The following SEMA5A variants were observed in gnomAD, a reference collection of about 807,000 sequenced individuals.
The protein encoded by SEMA5A is semaphorin-5A.
Under a neutral mutation model 135.5 loss-of-function variants are expected in SEMA5A, and 55 were observed. That is an observed-to-expected ratio of 0.41 (90% CI 0.33 to 0.51). SEMA5A has a LOEUF of 0.51. SEMA5A is among the 20% of genes least tolerant of loss of function. SEMA5A has a pLI of 0.37. For missense variants in SEMA5A, 1,290 were observed against 1,419.9 expected (o/e 0.91, Z 1.47); for synonymous variants, 580 against 546.5 (o/e 1.06, Z -0.85).
At chr5:9,521,217 C>G in intron 1 of SEMA5A, among the ~76,000 whole-genome samples, 1 of 152,136 alleles carries the variant, frequency 6.6e-6, no homozygotes, top group South Asian at 2.1e-4. Flanking sequence ...CGAGACCAGC[C>G]TGGCCAACAT....
chr5:9,126,740 G>T (rs942880536), intron 13 of SEMA5A, among the ~76,000 whole-genome samples: 2 of 152,180 alleles, frequency 1.3e-5, no homozygotes, highest in Admixed American at 6.5e-5. Context: ...CCTTCAGGCA[G>T]CTGAGTCAGT....
intron 6 of SEMA5A, among the ~76,000 whole-genome samples, chr5:9,233,951 G>A (rs1388844928): frequency 2.0e-5 from 3 of 151,928 alleles, no homozygotes; most frequent in African/African-American, 7.3e-5. Context: ...TAAATTGCTG[G>A]CATTCTTCTC....
intron 5 of SEMA5A, among the ~76,000 whole-genome samples, chr5:9,299,509 T>A (rs1251174385): frequency 2.0e-5 from 3 of 152,136 alleles, no homozygotes; most frequent in Non-Finnish European, 2.9e-5. Context: ...CTTGTATTTT[T>A]ACCAGCTTCC....
intron 1 of SEMA5A, among the ~76,000 whole-genome samples, chr5:9,483,573 A>G (rs1339711606): frequency 6.6e-6 from 1 of 152,186 alleles, no homozygotes; most frequent in Non-Finnish European, 1.5e-5. Flanking sequence ...CAACATGACA[A>G]AAAAGAACAT....
intron 8 of SEMA5A, among the ~76,000 whole-genome samples, chr5:9,212,547 G>T (rs1052259363): frequency 6.6e-6 from 1 of 152,156 alleles, no homozygotes; most frequent in Non-Finnish European, 1.5e-5. Flanking sequence ...GGCTGGAAAT[G>T]GGGGGCTAAG....
At chr5:9,476,919 T>TA (rs552785915) in intron 1 of SEMA5A, among the ~76,000 whole-genome samples, 10,626 of 141,350 alleles carry the variant, frequency 0.075, 441 homozygotes, top group South Asian at 0.14. Context: ...TTTACAAAAC[T>TA]AAAAAAAAAA....
At chr5:9,411,371 G>T (rs908963941) in intron 2 of SEMA5A, among the ~76,000 whole-genome samples, 1 of 152,186 alleles carries the variant, frequency 6.6e-6, no homozygotes, top group African/African-American at 2.4e-5. Context: ...CTCATCAGAG[G>T]CTATGTGTCT....
At chr5:9,369,287 C>T (rs570532235) in intron 3 of SEMA5A, among the ~76,000 whole-genome samples, 2 of 152,090 alleles carry the variant, frequency 1.3e-5, no homozygotes, top group Non-Finnish European at 2.9e-5. Context: ...TATTCCCACA[C>T]AGTGTATGGC....
At chr5:9,172,213 G>A (rs1164852189) in intron 11 of SEMA5A, among the ~76,000 whole-genome samples, 1 of 152,210 alleles carries the variant, frequency 6.6e-6, no homozygotes, top group Admixed American at 6.5e-5. Context: ...TCCGTGCACA[G>A]AGAAATGAAT....
At chr5:9,112,771 T>C (rs73741659) in intron 15 of SEMA5A, among the ~76,000 whole-genome samples, 11,487 of 152,294 alleles carry the variant, frequency 0.075, 478 homozygotes, top group South Asian at 0.16. Context: ...CTATTGAATA[T>C]GAATGGGACC....
intron 1 of SEMA5A, chr5:9,498,845 G>A (rs1735436196): frequency 6.6e-6 from 1 of 152,138 alleles, no homozygotes; most frequent in South Asian, 2.1e-4. Context: ...GATTTGGGCT[G>A]GGTTAGGTGT....
At chr5:9,534,636 A>G (rs1470377474) in intron 1 of SEMA5A, among the ~76,000 whole-genome samples, 2 of 152,190 alleles carry the variant, frequency 1.3e-5, no homozygotes, top group African/African-American at 2.4e-5. Context: ...ACCTCGTGCA[A>G]GAAAGAATTC....
intron 1 of SEMA5A, among the ~76,000 whole-genome samples, chr5:9,477,990 C>A (rs531381520): frequency 6.6e-6 from 1 of 152,288 alleles, no homozygotes; most frequent in Non-Finnish European, 1.5e-5. Flanking sequence ...CCCAGGGTCC[C>A]TGTGCTCTGT....
At chr5:9,488,601 T>C (rs1442246684) in intron 1 of SEMA5A, among the ~76,000 whole-genome samples, 1 of 152,206 alleles carries the variant, frequency 6.6e-6, no homozygotes, top group East Asian at 1.9e-4. Context: ...GGGTCATATG[T>C]CTGACATAAG....
Position 9,185,976 on chromosome 5 carries a change from C to T in SEMA5A, c.1273+4291G>A, listed in dbSNP as rs144974524. On this transcript the variant is annotated intron_variant, in intron 11 of 22. Transcript: ENST00000382496. The stretch of plus-strand genomic sequence containing the variant: ...AGCCAGTGGAGAAGTGTTTCCAAGT[C>T]AAGTAAGGGAGAAACTCCCAGAATA... Among the ~76,000 whole-genome samples the T allele has an allele frequency of 3.1e-3, 472 of 152,226 alleles. 2 individuals carry two copies. Among genetic ancestry groups the T allele is most frequent in the African/African-American group, 8.4e-3 (347 of 41,536 alleles).
At chr5:9,311,148 G>GC (rs1273647585) in intron 5 of SEMA5A, among the ~76,000 whole-genome samples, 2 of 151,514 alleles carry the variant, frequency 1.3e-5, no homozygotes, top group South Asian at 2.1e-4. Context: ...TCGCTCAACG[G>GC]GGGGGTCCTG....
chr5:9,169,942 C>T (rs185320916), intron 11 of SEMA5A, among the ~76,000 whole-genome samples: 64 of 152,322 alleles, frequency 4.2e-4, no homozygotes, highest in African/African-American at 1.5e-3. Flanking sequence ...ATATCAACTT[C>T]CAAAGGTTTT....
intron 21 of SEMA5A, among the ~76,000 whole-genome samples, 180 bp downstream of exon 21, chr5:9,050,230 C>T (rs983668234): frequency 3.9e-5 from 6 of 152,118 alleles, no homozygotes; most frequent in African/African-American, 9.7e-5. Flanking sequence ...AACCACCGAT[C>T]GGTACATCAA....
chr5:9,346,056 A>C (rs767894870), intron 3 of SEMA5A, among the ~76,000 whole-genome samples: 4 of 152,096 alleles, frequency 2.6e-5, no homozygotes, highest in Non-Finnish European at 5.9e-5. Flanking sequence ...TCCTGCTTGA[A>C]TGTTACCTTT....
Sources: gnomAD v4.1 joint callset for allele counts (sites outside exome capture counted in the v4.1 genomes callset) on GRCh38, gnomAD v4.1.1 for gene constraint, MANE v1.5 for transcripts, NCBI Gene and HGNC (gene_info 2026-07-23, HGNC 2026-07-21) for gene names.